DNAH1: variants seen among roughly 807,000 people sequenced by gnomAD.
DNAH1 encodes axonemal beta dynein heavy chain 1.
A neutral mutation model predicts 484.3 loss-of-function variants in DNAH1; 327 were observed. That is an observed-to-expected ratio of 0.68 (90% CI 0.62 to 0.74). The LOEUF (loss-of-function observed/expected upper bound fraction) is 0.74, where lower values mean the gene tolerates loss of function less well. DNAH1 is among the 30% of genes least tolerant of loss of function. The pLI, the probability that DNAH1 is intolerant of heterozygous loss-of-function variation, is 0.00. For missense variants in DNAH1, 5,052 were observed against 5,546.8 expected (o/e 0.91, Z 2.83); for synonymous variants, 2,192 against 2,191.9 (o/e 1.00, Z 0.00).
chr3:52,397,585 G>A lies in DNAH1; in HGVS notation c.11788-122G>A. The A allele has an allele frequency of 5.5e-6, 5 of 916,692 alleles. No individual in the cohort carries two copies. In the South Asian group the frequency reaches 8.9e-5, roughly 16 times the overall value. The allele number at this position is 916,692 out of a possible 1,614,324, so 56.8% of individuals were successfully genotyped here. A position where few individuals can be genotyped will look rare whatever the true frequency, so the allele number is the denominator to read the frequency against. The stretch of plus-strand genomic sequence containing the variant: ...TCCCAAGAGCAGGGACATGCATAAG[G>A]GTTATGAGCAGGAGTGACAAGTGGG... On this transcript the variant is annotated intron_variant, in intron 73 of 77. Transcript: ENST00000420323.
At position 52,355,017 on chromosome 3, in the gene DNAH1, C is replaced by T. The variant is rs376325553; in HGVS notation, c.3655C>T (p.Arg1219Cys). The T allele has an allele frequency of 3.6e-5, 58 of 1,613,792 alleles. No individual in the cohort carries two copies. The African/African-American group carries it at 6.3e-4, about 17-fold the overall frequency. The change falls in exon 21 of 78, where the codon CGC (arginine) becomes TGC (cysteine). Residue 1219 changes from arginine (R) to cysteine (C), a missense_variant. Arg to Cys is a radical substitution (Grantham distance 180). Coordinates refer to ENST00000420323, the MANE Select transcript of DNAH1 (RefSeq NM_015512.5). The surrounding 1 kb of genome is among the most constrained non-coding windows in gnomAD (Gnocchi z 4.5). ...FSPYKKPFEQRINSWENKLKL... is the reference protein window; with the variant it reads ...FSPYKKPFEQCINSWENKLKL... ...ACCCTACAAGAAGCCCTTTGAGCAG[C>T]GCATCAACTCCTGGGAGAACAAACT...
At position 52,349,020 on chromosome 3, in the gene DNAH1, T is replaced by C; in HGVS notation, c.2239T>C (p.Tyr747His). The C allele has an allele frequency of 6.2e-7, 1 of 1,613,196 alleles. No individual in the cohort carries two copies. Among genetic ancestry groups the C allele is most frequent in the Non-Finnish European group, 8.5e-7 (1 of 1,179,900 alleles). Residue 747 changes from tyrosine to histidine, a missense_variant, in exon 13 of 78, where the codon TAC becomes CAC. Around this residue, in one of 4 missense-constraint regions of DNAH1, gnomAD observed 1,263 missense variants for 1,218.8 expected, o/e 1.04. Coordinates refer to ENST00000420323, the MANE Select transcript of DNAH1 (RefSeq NM_015512.5). ...CAAGGCCATGATCCCACTGCAGGCC[T>C]ACGCCAAGGAGTACCGAAAGTACCT... ...VSKAMIPLQA[Y>H]AKEYRKYLEL...
At chr3:52,350,293 AG>A (rs1157960395) in intron 15 of DNAH1, among the ~76,000 whole-genome samples, 185 bp downstream of exon 15, 3 of 149,384 alleles carry the variant, frequency 2.0e-5, no homozygotes, top group Non-Finnish European at 4.4e-5. Context: ...GTCTGGGGGT[AG>A]GGGGGAGCTG....
rs568165971 is a variant in DNAH1 at position 52,332,373 on chromosome 3, C to T, written c.1265C>T (p.Pro422Leu). ...ATCAAGCAGTGGGCCCTGAGCACGC[C>T]TCGGATGCGCAAAGGCCCCTCGTGA... ...SKIKQWALST[P>L]RMRKGPSVLE... The change falls in exon 8 of 78, where the codon CCT (proline) becomes CTT (leucine). Residue 422 changes from proline (P) to leucine (L), a missense_variant. Pro to Leu is a moderately conservative substitution (Grantham distance 98). This residue lies in a region of DNAH1 where 1,263 missense variants were observed against 1,218.8 expected (regional missense o/e 1.04). Transcript: ENST00000420323. 9.9e-5 allele frequency: 160 copies of T among 1,613,626 alleles called. 2 individuals are homozygous for T. The South Asian group carries it at 1.7e-3, about 17-fold the overall frequency.
At position 52,358,025 on chromosome 3, in the gene DNAH1, T is replaced by C; in HGVS notation, c.4086+22T>C. The C allele has an allele frequency of 2.5e-6, 4 of 1,573,798 alleles. No homozygotes were observed. The highest frequency in any genetic ancestry group is 3.5e-6 in the Non-Finnish European group (4 of 1,153,896). ...TCGGGTGGGCAGCTGGGCCCGGGGC[T>C]CAGGGCTGGGAGCATGGGGCATCTT... On this transcript the variant is annotated intron_variant, in intron 24 of 77. Transcript: ENST00000420323. The surrounding 1 kb of genome is among the most constrained non-coding windows in gnomAD (Gnocchi z 4.2).
Position 52,379,786 on chromosome 3 carries a change from A to G in DNAH1, c.7378-119A>G. ...CACACTGTCCCTGGGCCATGGTGGG[A>G]GAGCCAGGCTCCAGTCAGGGCCCCA... On this transcript the variant is annotated intron_variant, in intron 47 of 77. Coordinates refer to ENST00000420323, the MANE Select transcript of DNAH1 (RefSeq NM_015512.5). The surrounding 1 kb of genome is among the most constrained non-coding windows in gnomAD (Gnocchi z 4.4). The G allele has an allele frequency of 1.2e-6, 1 of 846,240 alleles. No homozygotes were observed. Among genetic ancestry groups the G allele is most frequent in the Non-Finnish European group, 1.8e-6 (1 of 555,746 alleles). 52.4% of individuals were successfully genotyped at this position (846,240 alleles called of 1,614,324 possible). A position where few individuals can be genotyped will look rare whatever the true frequency, so the allele number is the denominator to read the frequency against.
chr3:52,392,382 A>G, intron 63 of DNAH1, 82 bp from the exon 64 acceptor site: 2 of 1,300,050 alleles, frequency 1.5e-6, no homozygotes, highest in East Asian at 4.8e-5. Flanking sequence ...CCAGAAGCAC[A>G]GGTGGATGGG....
chr3:52,395,657 C>G lies in DNAH1; in HGVS notation c.11238C>G (p.Ile3746Met), dbSNP rs372180379. ...GGATGCCAGCCCTAGAACGCCTCAT[C>G]GAGCACATCAACCCCGACAAGGTGT... ...PSWMPALERL[I>M]EHINPDKVHR... The change falls in exon 70 of 78, where the codon ATC becomes ATG. Residue 3746 changes from isoleucine (I) to methionine (M), a missense_variant. Around this residue, in one of 4 missense-constraint regions of DNAH1, gnomAD observed 853 missense variants for 899.0 expected, o/e 0.95. Coordinates refer to ENST00000420323, the MANE Select transcript of DNAH1 (RefSeq NM_015512.5). This position sits in a 1 kb window ranked among gnomAD's most constrained non-coding sequence, Gnocchi z 4.4. 6 of 1,613,784 alleles carry G rather than the reference C, an allele frequency of 3.7e-6. No homozygotes were observed. The highest frequency in any genetic ancestry group is 4.2e-6 in the Non-Finnish European group (5 of 1,179,870).
chr3:52,371,225 C>T (rs1052097652), intron 41 of DNAH1, among the ~76,000 whole-genome samples: 4 of 152,234 alleles, frequency 2.6e-5, no homozygotes, highest in Non-Finnish European at 5.9e-5. Flanking sequence ...GTGTCCTCAT[C>T]GCTACTATCA....
chr3:52,390,929 C>T lies in DNAH1; in HGVS notation c.9622-6C>T, dbSNP rs946083803. 29 of 1,551,596 alleles carry T rather than the reference C, an allele frequency of 1.9e-5. No homozygotes were observed. In the African/African-American group the frequency reaches 3.7e-4, roughly 20 times the overall value. On this transcript the variant is annotated splice_polypyrimidine_tract_variant and splice_region_variant and intron_variant, in intron 60 of 77. Transcript: ENST00000420323. Reference sequence around the variant, plus strand: ...CTGACCCAGTCCAGTGCCTGGCTCTCCACAGATCGCTGGCCTCCCCAACGA... The same window carrying T: ...CTGACCCAGTCCAGTGCCTGGCTCTTCACAGATCGCTGGCCTCCCCAACGA...
chr3:52,369,034 CT>C, intron 37 of DNAH1, 116 bp downstream of exon 37: 4 of 1,198,974 alleles, frequency 3.3e-6, no homozygotes, highest in Non-Finnish European at 4.7e-6. Flanking sequence ...ATGGGTCCAT[CT>C]CAGGCTGTCA....
chr3:52,347,993 G>C lies in DNAH1; in HGVS notation c.2106+19G>C. The C allele has an allele frequency of 6.3e-7, 1 of 1,594,940 alleles. No homozygotes were observed. Among genetic ancestry groups the C allele is most frequent in the Non-Finnish European group, 8.5e-7 (1 of 1,170,418 alleles). ...GGAGAAGGTACGTGCTGCAGCCTGAGCAGGCCCCAGGCACCTGCTGCCCTG... is the reference window on the plus strand; with the variant it reads ...GGAGAAGGTACGTGCTGCAGCCTGACCAGGCCCCAGGCACCTGCTGCCCTG... On this transcript the variant is annotated intron_variant, in intron 12 of 77. Transcript: ENST00000420323.
Position 52,396,632 on chromosome 3 carries a change from G to A in DNAH1, c.11445G>A (p.Lys3815=). The A allele has an allele frequency of 6.2e-7, 1 of 1,613,192 alleles. No individual in the cohort carries two copies. The stretch of plus-strand genomic sequence containing the variant: ...ACCTCCCCCAGGTGATGGAGTTCAA[G>A]TCTCTGCTGCTGTCTCTGTGCTTGT... ...LNSCHKVMEF[K]SLLLSLCLFH... is the part of the protein sequence containing the mutation. The change falls in exon 72 of 78, where the codon AAG becomes AAA. Residue 3815 remains lysine, a synonymous_variant. Coordinates refer to ENST00000420323, the MANE Select transcript of DNAH1 (RefSeq NM_015512.5).
chr3:52,394,453 G>T lies in DNAH1; in HGVS notation c.10627-12G>T, dbSNP rs368771918. On this transcript the variant is annotated splice_polypyrimidine_tract_variant and intron_variant, in intron 66 of 77. Coordinates refer to ENST00000420323, the MANE Select transcript of DNAH1 (RefSeq NM_015512.5). ...AGGGCCTGGGCATCAGCCTCCTCCTGTCCCCTGCCAGAGTGAGTGGCGATA... is the reference window on the plus strand; with the variant it reads ...AGGGCCTGGGCATCAGCCTCCTCCTTTCCCCTGCCAGAGTGAGTGGCGATA... The T allele has an allele frequency of 1.7e-5, 28 of 1,613,560 alleles. No individual in the cohort carries two copies. Among genetic ancestry groups the T allele is most frequent in the Non-Finnish European group, 2.3e-5 (27 of 1,179,766 alleles).
rs1332490155 is a variant in DNAH1, at chr3:52,366,447, T to C, written c.5519-10T>C. ...GCTCTGACCCTTGGGCCCCATGCCATGTCCCCCAGGCTTCCTGACAAAGTG... is the reference window on the plus strand; with the variant it reads ...GCTCTGACCCTTGGGCCCCATGCCACGTCCCCCAGGCTTCCTGACAAAGTG... On this transcript the variant is annotated splice_polypyrimidine_tract_variant and intron_variant, in intron 34 of 77. Coordinates refer to ENST00000420323, the MANE Select transcript of DNAH1 (RefSeq NM_015512.5). 1.9e-6 allele frequency: 3 copies of C among 1,583,828 alleles called. No individual in the cohort carries two copies. Among genetic ancestry groups the C allele is most frequent in the South Asian group, 1.2e-5 (1 of 86,012 alleles).
In DNAH1 at chr3:52,332,381, C is replaced by T. The variant is rs777251076; in HGVS notation, c.1273C>T (p.Arg425Cys). The change falls in exon 8 of 78, where the codon CGC becomes TGC. Residue 425 changes from arginine to cysteine, a missense_variant. This residue lies in a region of DNAH1 where 1,263 missense variants were observed against 1,218.8 expected (regional missense o/e 1.04). Transcript: ENST00000420323. Reference protein sequence around the residue: ...KQWALSTPRMRKGPSVLEHLS... With the variant: ...KQWALSTPRMCKGPSVLEHLS... ...GTGGGCCCTGAGCACGCCTCGGATG[C>T]GCAAAGGCCCCTCGTGAGTCCCCGC... is the stretch of plus-strand genomic sequence containing the variant. 5 of 1,613,224 alleles carry T rather than the reference C, an allele frequency of 3.1e-6. No homozygotes were observed. The highest frequency in any genetic ancestry group is 4.5e-5 in the East Asian group (2 of 44,868).
chr3:52,388,303 A>C lies in DNAH1; in HGVS notation c.9140A>C (p.His3047Pro). The C allele has an allele frequency of 6.2e-7, 1 of 1,602,474 alleles. No individual in the cohort carries two copies. Among genetic ancestry groups the C allele is most frequent in the Non-Finnish European group, 8.5e-7 (1 of 1,174,734 alleles). Residue 3047 changes from histidine to proline, a missense_variant, in exon 57 of 78, where the codon CAC becomes CCC. Physicochemically the swap from His to Pro is moderately conservative, Grantham distance 77. This residue lies in a region of DNAH1 where 2,929 missense variants were observed against 3,409.4 expected (regional missense o/e 0.86). Transcript: ENST00000420323. ...TGGGTGCGCGCCATGCACAAGTACC[A>C]CTTTGTGGCCAAGGCCGTGGAGCCC... is the stretch of plus-strand genomic sequence containing the variant. ...CQWVRAMHKY[H>P]FVAKAVEPKR...
chr3:52,383,410 G>T lies in DNAH1; in HGVS notation c.7966G>T (p.Asp2656Tyr), dbSNP rs2153225225. The T allele has an allele frequency of 6.2e-7, 1 of 1,613,896 alleles. No individual in the cohort carries two copies. The highest frequency in any genetic ancestry group is 8.5e-7 in the Non-Finnish European group (1 of 1,179,848). ...TQIKNESFLE[D>Y]INNVLNSGDI... The stretch of plus-strand genomic sequence containing the variant: ...GATCAAGAACGAATCCTTCCTGGAA[G>T]ATATCAACAACGTCCTAAACTCTGG... The change falls in exon 51 of 78, where the codon GAT (aspartate) becomes TAT (tyrosine). Residue 2656 changes from aspartate to tyrosine, a missense_variant. This residue lies in a region of DNAH1 where 2,929 missense variants were observed against 3,409.4 expected (regional missense o/e 0.86). Coordinates refer to ENST00000420323, the MANE Select transcript of DNAH1 (RefSeq NM_015512.5).
chr3:52,350,320 G>A (rs1190000349), intron 15 of DNAH1, among the ~76,000 whole-genome samples, 188 bp from the exon 16 acceptor site: 6 of 152,076 alleles, frequency 3.9e-5, no homozygotes, highest in African/African-American at 7.2e-5. Context: ...TGGAGGTGTG[G>A]CAGCCATGGC....
Sources: gnomAD v4.1 joint callset for allele counts (sites outside exome capture counted in the v4.1 genomes callset) on GRCh38, gnomAD v4.1.1 for gene constraint, gnomAD v4.1.1 regional missense constraint, Gnocchi (gnomAD v3.1) non-coding constraint, MANE v1.5 for transcripts, NCBI Gene and HGNC (gene_info 2026-07-23, HGNC 2026-07-21) for gene names.